MECOM: variants seen among roughly 807,000 people sequenced by gnomAD.
MECOM encodes the protein histone-lysine N-methyltransferase MECOM.
In MECOM, 13 loss-of-function variants were observed where a neutral mutation model predicts 116.3. The ratio of observed to expected loss-of-function variants is 0.11; its 90% confidence interval spans 0.07 to 0.18. The LOEUF (loss-of-function observed/expected upper bound fraction) is 0.18, where lower values mean the gene tolerates loss of function less well. MECOM is among the 10% of genes least tolerant of loss of function. The pLI is 1.00. For synonymous variants in MECOM, 528 were observed against 535.2 expected (o/e 0.99, Z 0.19); for missense variants, 1,299 against 1,509.0 (o/e 0.86, Z 2.31).
At chr3:169,203,916 C>A (rs1387473704) in intron 2 of MECOM, among the ~76,000 whole-genome samples, 1 of 152,134 alleles carries the variant, frequency 6.6e-6, no homozygotes, top group East Asian at 1.9e-4. Flanking sequence ...ATGTGAATAT[C>A]TGCACTTCTG....
At chr3:169,491,771 T>C (rs1444706997) in intron 1 of MECOM, among the ~76,000 whole-genome samples, 1 of 152,220 alleles carries the variant, frequency 6.6e-6, no homozygotes, top group African/African-American at 2.4e-5. Context: ...ATTTTCACTT[T>C]CTTCATCAAT....
In MECOM at chr3:169,663,438, T is replaced by TTTTGCTCTCC. The variant is rs1445258919; in HGVS notation, c.-76_-67dup. 1 of 1,531,914 alleles carries TTTTGCTCTCC rather than the reference T, an allele frequency of 6.5e-7. No individual in the cohort carries two copies. The highest frequency in any genetic ancestry group is 8.9e-7 in the Non-Finnish European group (1 of 1,125,134). The allele number at this position is 1,531,914 out of a possible 1,614,324, so 94.9% of individuals were successfully genotyped here. A position where few individuals can be genotyped will look rare whatever the true frequency, so the allele number is the denominator to read the frequency against. The stretch of plus-strand genomic sequence containing the variant: ...TTTTTTTTCTTGGATCCTTTCCTTC[T>TTTTGCTCTCC]TTTGCTCTCCCTCTCGCTCCCTCCC... On this transcript the variant is annotated 5_prime_UTR_variant, in exon 1 of 17. Coordinates refer to ENST00000651503, the MANE Select transcript of MECOM (RefSeq NM_004991.4).
At chr3:169,146,660 C>T in intron 2 of MECOM, 1 of 1,347,574 alleles carries the variant, frequency 7.4e-7, no homozygotes, top group Non-Finnish European at 9.8e-7. Context: ...GGAAACTGTC[C>T]GAAGTGACAA....
intron 2 of MECOM, among the ~76,000 whole-genome samples, chr3:169,266,819 CT>C (rs899846431): frequency 4.0e-5 from 6 of 149,898 alleles, no homozygotes; most frequent in Non-Finnish European, 7.4e-5. Flanking sequence ...AATTCCTTTT[CT>C]TTTTTTTTAA....
intron 1 of MECOM, among the ~76,000 whole-genome samples, chr3:169,395,839 G>A (rs1005590176): frequency 5.3e-5 from 8 of 152,170 alleles, no homozygotes; most frequent in African/African-American, 1.7e-4. Context: ...AGCTTCATGA[G>A]GATAGGGACC....
chr3:169,591,350 TG>T (rs1460212057), intron 1 of MECOM, among the ~76,000 whole-genome samples: 1 of 151,916 alleles, frequency 6.6e-6, no homozygotes. Context: ...AAGGAAATGT[TG>T]GCTTTGTAAA....
intron 1 of MECOM, among the ~76,000 whole-genome samples, chr3:169,641,461 C>A (rs1773481683): frequency 1.3e-5 from 2 of 152,172 alleles, no homozygotes; most frequent in Non-Finnish European, 2.9e-5. Flanking sequence ...AGATTTGACG[C>A]TATTCATTGA....
At chr3:169,436,740 G>T (rs62294339) in intron 1 of MECOM, among the ~76,000 whole-genome samples, 8,742 of 152,150 alleles carry the variant, frequency 0.057, 260 homozygotes, top group Non-Finnish European at 0.066. Context: ...GTGTTAGACT[G>T]ACTGAATTGG....
chr3:169,636,960 C>T (rs1222197673), intron 1 of MECOM, among the ~76,000 whole-genome samples: 2 of 152,150 alleles, frequency 1.3e-5, no homozygotes, highest in Non-Finnish European at 2.9e-5. Context: ...ACCTGTAAGT[C>T]CCAGTATTCG....
chr3:169,407,879 G>T (rs1285421003), intron 1 of MECOM, among the ~76,000 whole-genome samples: 1 of 152,100 alleles, frequency 6.6e-6, no homozygotes, highest in Non-Finnish European at 1.5e-5. Flanking sequence ...CTTCTTGATG[G>T]TTATCCAGAA....
At chr3:169,114,123 C>A (rs1469522797) in intron 8 of MECOM, among the ~76,000 whole-genome samples, 1 of 152,150 alleles carries the variant, frequency 6.6e-6, no homozygotes, top group African/African-American at 2.4e-5. Context: ...TGAGACACAT[C>A]ATTGAGTTGG....
intron 2 of MECOM, among the ~76,000 whole-genome samples, chr3:169,294,628 C>T (rs1715248228): frequency 6.6e-6 from 1 of 152,200 alleles, no homozygotes; most frequent in Non-Finnish European, 1.5e-5. Flanking sequence ...CCAAATACAG[C>T]TCAAGGCTTA....
At chr3:169,649,258 G>T (rs534818356) in intron 1 of MECOM, among the ~76,000 whole-genome samples, 1 of 151,750 alleles carries the variant, frequency 6.6e-6, no homozygotes, top group Non-Finnish European at 1.5e-5. Context: ...GCACAAGTTC[G>T]AGACCAGCCT....
At chr3:169,371,784 C>T (rs1730185244) in intron 2 of MECOM, among the ~76,000 whole-genome samples, 5 of 151,916 alleles carry the variant, frequency 3.3e-5, no homozygotes, top group Admixed American at 2.6e-4. Context: ...TATTTGTCAG[C>T]CTCCTGATGC....
intron 2 of MECOM, among the ~76,000 whole-genome samples, chr3:169,334,475 G>C (rs1233822591): frequency 6.6e-6 from 1 of 152,112 alleles, no homozygotes; most frequent in East Asian, 1.9e-4. Flanking sequence ...TAATTTGATT[G>C]TTCAGGATGG....
At chr3:169,297,761 A>G (rs1715912150) in intron 2 of MECOM, among the ~76,000 whole-genome samples, 1 of 152,140 alleles carries the variant, frequency 6.6e-6, no homozygotes, top group South Asian at 2.1e-4. Context: ...GAGCCACAAG[A>G]CTCTTGTGTT....
In MECOM at chr3:169,663,100, G is replaced by T. The variant is rs544795508; in HGVS notation, c.37+236C>A. Among the ~76,000 whole-genome samples the T allele has an allele frequency of 6.6e-4, 96 of 146,100 alleles. 1 individual carries two copies. The East Asian group carries it at 9.3e-3, about 14-fold the overall frequency. On this transcript the variant is annotated intron_variant, in intron 1 of 16. Coordinates refer to ENST00000651503, the MANE Select transcript of MECOM (RefSeq NM_004991.4). ...CACCCCGGGGTTGCCACAGCTGGTCGGTGCGCGGGACTGAGGGCTGCCCAG... is the reference window on the plus strand; with the variant it reads ...CACCCCGGGGTTGCCACAGCTGGTCTGTGCGCGGGACTGAGGGCTGCCCAG...
chr3:169,516,106 C>T (rs1171058491), intron 1 of MECOM, among the ~76,000 whole-genome samples: 1 of 152,044 alleles, frequency 6.6e-6, no homozygotes, highest in Non-Finnish European at 1.5e-5. Context: ...GAAACCTTGA[C>T]AATATGGTCA....
rs115921531 is a variant in MECOM, at chr3:169,282,444, G to T, written c.375+98743C>A. ...TCTAGGGAGAAGATAACATGTCTGT[G>T]TCAGGGTCTTTTATAAAATATATTC... On this transcript the variant is annotated intron_variant, in intron 2 of 16. Coordinates refer to ENST00000651503, the MANE Select transcript of MECOM (RefSeq NM_004991.4). Among the ~76,000 whole-genome samples, 652 of 152,270 alleles carry T rather than the reference G, an allele frequency of 4.3e-3. 3 individuals are homozygous for T. Among genetic ancestry groups the T allele is most frequent in the African/African-American group, 0.015 (617 of 41,544 alleles).
Sources: gnomAD v4.1 joint callset for allele counts (sites outside exome capture counted in the v4.1 genomes callset) on GRCh38, gnomAD v4.1.1 for gene constraint, MANE v1.5 for transcripts, NCBI Gene and HGNC (gene_info 2026-07-23, HGNC 2026-07-21) for gene names.